CACNA1D: variants seen among roughly 807,000 people sequenced by gnomAD.
CACNA1D encodes the protein calcium voltage-gated channel subunit alpha1 D.
Under a neutral mutation model 257.1 loss-of-function variants are expected in CACNA1D, and 55 were observed. The observed-to-expected ratio is 0.21, with a 90% CI of 0.17 to 0.27. The LOEUF (loss-of-function observed/expected upper bound fraction) is 0.27. CACNA1D is among the 10% of genes least tolerant of loss of function. The pLI is 1.00. For missense variants in CACNA1D, 1,876 were observed against 2,784.0 expected (o/e 0.67, Z 7.34); for synonymous variants, 980 against 1,014.9 (o/e 0.97, Z 0.65).
intron 10 of CACNA1D, among the ~76,000 whole-genome samples, chr3:53,718,948 C>T (rs1251283437): frequency 1.3e-5 from 2 of 152,104 alleles, no homozygotes; most frequent in Non-Finnish European, 2.9e-5. Flanking sequence ...CTGCACCAGC[C>T]TCTCCTCATG....
Position 53,675,177 on chromosome 3 carries a change from G to C in CACNA1D, c.1220+2051G>C, listed in dbSNP as rs143770564. On this transcript the variant is annotated intron_variant, in intron 8 of 47. Coordinates refer to ENST00000350061, the MANE Select transcript of CACNA1D (RefSeq NM_001128840.3). The stretch of plus-strand genomic sequence containing the variant: ...GCCAGTGCCCGCCAGAGAGAGGAGT[G>C]GGGGCTGAGCCTGGGATGGGGCCAC... Among the ~76,000 whole-genome samples, 1,169 of 152,308 alleles carry C rather than the reference G, an allele frequency of 7.7e-3. 10 individuals are homozygous for C. The highest frequency in any genetic ancestry group is 0.026 in the African/African-American group (1,062 of 41,562).
rs762956075 is a variant in CACNA1D at position 53,808,733 on chromosome 3, A to G, written c.5834A>G (p.His1945Arg). ...GTCCCGTCGTCTCCCATCTTCCCCC[A>G]TCGCACGGCCCTGCCTCTGCATCTA... Reference protein sequence around the residue: ...EEVPSSPIFPHRTALPLHLMQ... With the variant: ...EEVPSSPIFPRRTALPLHLMQ... The change falls in exon 46 of 48, where the codon CAT (histidine) becomes CGT (arginine). Residue 1945 changes from histidine to arginine, a missense_variant. By Grantham distance (29) the His-to-Arg change is conservative (BLOSUM62 0). Around this residue, in one of 10 missense-constraint regions of CACNA1D, gnomAD observed 491 missense variants for 554.3 expected, o/e 0.89. Coordinates refer to ENST00000350061, the MANE Select transcript of CACNA1D (RefSeq NM_001128840.3). 2.5e-6 allele frequency: 4 copies of G among 1,608,466 alleles called. No homozygotes were observed. Among genetic ancestry groups the G allele is most frequent in the Admixed American group, 1.7e-5 (1 of 60,006 alleles).
At chr3:53,792,198 G>A (rs1244772913) in intron 40 of CACNA1D, 2 of 152,174 alleles carry the variant, frequency 1.3e-5, no homozygotes, top group African/African-American at 4.8e-5. Context: ...GCACAAAGAT[G>A]TCAACAGAGG....
chr3:53,730,662 C>T (rs528359830), intron 16 of CACNA1D, 106 bp downstream of exon 16: 27 of 846,436 alleles, frequency 3.2e-5, no homozygotes, highest in South Asian at 1.9e-4. Flanking sequence ...CTGCAGCCCC[C>T]GGGTTGCTGC....
rs149676780 is a variant in CACNA1D, at chr3:53,723,968, A to G, written c.2069A>G (p.Asn690Ser). Residue 690 changes from asparagine to serine, a missense_variant, in exon 14 of 48, where the codon AAT becomes AGT. Asn to Ser is a conservative substitution (Grantham distance 46). This residue lies in a region of CACNA1D where 257 missense variants were observed against 399.7 expected (regional missense o/e 0.64). Transcript: ENST00000350061. This position sits in a 1 kb window ranked among gnomAD's most constrained non-coding sequence, Gnocchi z 5.6. ...ETQTKRSTFD[N>S]FPQALLTVFQ... ...CAAACCAAGCGGAGCACCTTTGACAATTTCCCTCAAGCACTTCTCACAGTG... is the reference window on the plus strand; with the variant it reads ...CAAACCAAGCGGAGCACCTTTGACAGTTTCCCTCAAGCACTTCTCACAGTG... 6.9e-5 allele frequency: 111 copies of G among 1,613,992 alleles called. 1 individual carries two copies. The highest frequency in any genetic ancestry group is 6.6e-4 in the Middle Eastern group (4 of 6,062).
At chr3:53,765,153 T>G (rs2095325203) in intron 30 of CACNA1D, among the ~76,000 whole-genome samples, 1 of 152,184 alleles carries the variant, frequency 6.6e-6, no homozygotes. Context: ...AAGGACTGGG[T>G]GTCCTTAACC....
At chr3:53,548,340 T>C (rs1363833214) in intron 3 of CACNA1D, among the ~76,000 whole-genome samples, 2 of 144,168 alleles carry the variant, frequency 1.4e-5, no homozygotes, top group Non-Finnish European at 3.0e-5. Flanking sequence ...GTATCCATTG[T>C]AAGCAACAAA....
intron 3 of CACNA1D, among the ~76,000 whole-genome samples, chr3:53,648,551 C>A (rs1400591917): frequency 1.3e-5 from 2 of 152,160 alleles, no homozygotes; most frequent in Non-Finnish European, 2.9e-5. Flanking sequence ...CCACGCCTCG[C>A]ATGCCTCCCG....
chr3:53,520,087 T>A (rs1333905888), intron 3 of CACNA1D, among the ~76,000 whole-genome samples: 1 of 152,270 alleles, frequency 6.6e-6, no homozygotes, highest in Non-Finnish European at 1.5e-5. Flanking sequence ...TTGGCTATTA[T>A]GAATAATGTT....
At chr3:53,740,228 G>A (rs527541563) in intron 20 of CACNA1D, 52 bp from the exon 21 acceptor site, 12 of 1,260,734 alleles carry the variant, frequency 9.5e-6, no homozygotes, top group Middle Eastern at 1.9e-4. Context: ...GCATGCAGAT[G>A]TCAGAGTTTG....
intron 3 of CACNA1D, among the ~76,000 whole-genome samples, chr3:53,547,995 C>G (rs1250859851): frequency 6.6e-6 from 1 of 152,148 alleles, no homozygotes; most frequent in Non-Finnish European, 1.5e-5. Flanking sequence ...CACATCAGGC[C>G]AGGGAGGATT....
intron 9 of CACNA1D, among the ~76,000 whole-genome samples, chr3:53,705,453 T>A (rs1042456403): frequency 6.6e-6 from 1 of 152,202 alleles, no homozygotes; most frequent in Non-Finnish European, 1.5e-5. Flanking sequence ...AAAGCTGCAA[T>A]GTGTCTTGGG....
chr3:53,673,655 T>A lies in CACNA1D; in HGVS notation c.1220+529T>A, dbSNP rs2094346839. The A allele has an allele frequency of 6.2e-6, 8 of 1,295,116 alleles. No individual in the cohort carries two copies. The highest frequency in any genetic ancestry group is 9.0e-6 in the Non-Finnish European group (8 of 888,882). The allele number at this position is 1,295,116 out of a possible 1,614,324, so 80.2% of individuals were successfully genotyped here. A position where few individuals can be genotyped will look rare whatever the true frequency, so the allele number is the denominator to read the frequency against. On this transcript the variant is annotated intron_variant, in intron 8 of 47. Transcript: ENST00000350061. This position sits in a 1 kb window ranked among gnomAD's most constrained non-coding sequence, Gnocchi z 4.1. ...CACTGAGAGGTTTGGCAGCTGCAACTGGGGCTCTGCTCTTTAGTAAATGGA... is the reference window on the plus strand; with the variant it reads ...CACTGAGAGGTTTGGCAGCTGCAACAGGGGCTCTGCTCTTTAGTAAATGGA...
At chr3:53,552,950 T>C (rs762150317) in intron 3 of CACNA1D, among the ~76,000 whole-genome samples, 1 of 152,188 alleles carries the variant, frequency 6.6e-6, no homozygotes, top group Non-Finnish European at 1.5e-5. Flanking sequence ...CAGGACAGAA[T>C]TGAAGGCAGG....
chr3:53,802,777 A>G (rs1216621403), intron 43 of CACNA1D, among the ~76,000 whole-genome samples: 1 of 152,202 alleles, frequency 6.6e-6, no homozygotes, highest in African/African-American at 2.4e-5. Flanking sequence ...AGTCAGAGGA[A>G]GTGCCATCCT....
chr3:53,713,502 ATGTGTGTGTGTGTGTGTG>A (rs35655186), intron 9 of CACNA1D, among the ~76,000 whole-genome samples: 6 of 129,460 alleles, frequency 4.6e-5, no homozygotes, highest in Admixed American at 1.5e-4. Flanking sequence ...CTCTGTGTGT[ATGTGTGTGTGTGTGTGTG>A]TGTGTGTGTG....
intron 29 of CACNA1D, 56 bp from the exon 30 acceptor site, chr3:53,761,942 T>G: frequency 8.2e-7 from 1 of 1,225,028 alleles, no homozygotes; most frequent in Non-Finnish European, 1.2e-6. Context: ...ATACGGTCCG[T>G]GTGGTGGGTC....
intron 3 of CACNA1D, among the ~76,000 whole-genome samples, chr3:53,569,539 A>C (rs2092907622): frequency 6.6e-6 from 1 of 152,194 alleles, no homozygotes; most frequent in South Asian, 2.1e-4. Context: ...TATACAGTGG[A>C]GATTCTAGTA....
In CACNA1D at chr3:53,497,162, T is replaced by C; in HGVS notation, c.78T>C (p.Tyr26=). 6.2e-7 allele frequency: 1 copy of C among 1,613,994 alleles called. No homozygotes were observed. The change falls in exon 2 of 48, where the codon TAT becomes TAC. Residue 26 remains tyrosine, a synonymous_variant. Transcript: ENST00000350061. ...TCTCCTTCTCCCCAGAGGCAAACTA[T>C]GCAAGAGGCACCAGACTTCCTCTTT... ...QQADHANEAN[Y]ARGTRLPLSG...
Sources: gnomAD v4.1 joint callset for allele counts (sites outside exome capture counted in the v4.1 genomes callset) on GRCh38, gnomAD v4.1.1 for gene constraint, gnomAD v4.1.1 regional missense constraint, Gnocchi (gnomAD v3.1) non-coding constraint, MANE v1.5 for transcripts, NCBI Gene and HGNC (gene_info 2026-07-23, HGNC 2026-07-21) for gene names.